Variants in EHMT1 observed in about 807,000 individuals in gnomAD.
The protein encoded by EHMT1 is euchromatic histone lysine methyltransferase 1, also known as histone-lysine N-methyltransferase EHMT1.
EHMT1 carries 15 observed loss-of-function variants against 147.2 expected under a neutral mutation model. The observed-to-expected ratio is 0.10, with a 90% CI of 0.07 to 0.16. EHMT1 has a LOEUF of 0.16. Ranked by LOEUF, EHMT1 falls within the 10% of genes least tolerant of loss-of-function variation. The probability of loss-of-function intolerance (pLI) is 1.00; values close to 1 mark genes in which losing one functional copy is unlikely to be tolerated. For missense variants in EHMT1, 1,587 were observed against 1,772.4 expected, an observed-to-expected ratio of 0.90 and a Z score of 1.88; for synonymous variants, 795 against 709.6, an observed-to-expected ratio of 1.12 and a Z score of -1.91.
chr9:137,791,709 C>T (rs1952539614), intron 16 of EHMT1, among the ~76,000 whole-genome samples: 1 of 152,096 alleles, frequency 6.6e-6, no homozygotes, highest in Admixed American at 6.5e-5. Context: ...CTGTAGAGTC[C>T]ATGGAGTCCT....
intron 1 of EHMT1, among the ~76,000 whole-genome samples, chr9:137,620,363 G>A (rs573022314): frequency 1.3e-5 from 2 of 152,038 alleles, no homozygotes; most frequent in Non-Finnish European, 2.9e-5. Flanking sequence ...GCCTCCCTCG[G>A]TTTTCTTCAC....
At chr9:137,672,289 A>G (rs1443512740) in intron 1 of EHMT1, among the ~76,000 whole-genome samples, 1 of 152,226 alleles carries the variant, frequency 6.6e-6, no homozygotes, top group Non-Finnish European at 1.5e-5. Context: ...TGTTATTTGT[A>G]CAGGAGGTTT....
At chr9:137,655,164 A>G (rs1938306187) in intron 1 of EHMT1, among the ~76,000 whole-genome samples, 1 of 151,770 alleles carries the variant, frequency 6.6e-6, no homozygotes, top group Non-Finnish European at 1.5e-5. Flanking sequence ...ACGCTTGGCT[A>G]ATTTTTGTAT....
chr9:137,768,292 G>A (rs920444217), intron 10 of EHMT1, among the ~76,000 whole-genome samples: 1 of 149,886 alleles, frequency 6.7e-6, no homozygotes, highest in Non-Finnish European at 1.5e-5. Context: ...GGCTAACATC[G>A]TAATAGTTTT....
intron 25 of EHMT1, among the ~76,000 whole-genome samples, chr9:137,818,802 CCG>C (rs1955170642): frequency 1.7e-4 from 1 of 5,776 alleles, no homozygotes; most frequent in Admixed American, 8.8e-4. Context: ...TGTACCGAGA[CCG>C]TAGAGAGGCC....
intron 1 of EHMT1, among the ~76,000 whole-genome samples, chr9:137,655,509 A>T (rs1938347000): frequency 6.6e-6 from 1 of 152,206 alleles, no homozygotes; most frequent in African/African-American, 2.4e-5. Context: ...CTGTTGAAGA[A>T]TGAATGAATG....
intron 8 of EHMT1, 47 bp downstream of exon 8, chr9:137,754,338 G>A: frequency 3.7e-6 from 6 of 1,610,466 alleles, no homozygotes; most frequent in Non-Finnish European, 5.1e-6. Context: ...GCCTGGGAGG[G>A]GATGGTGCCA....
intron 16 of EHMT1, 66 bp downstream of exon 16, chr9:137,791,036 G>A: frequency 6.2e-7 from 1 of 1,613,544 alleles, no homozygotes; most frequent in Non-Finnish European, 8.5e-7. Context: ...AGCTGAGCAA[G>A]GGACATCCTT....
chr9:137,671,255 C>T (rs1940590683), intron 1 of EHMT1, among the ~76,000 whole-genome samples: 1 of 152,014 alleles, frequency 6.6e-6, no homozygotes, highest in Non-Finnish European at 1.5e-5. Context: ...AAAAAGTTAA[C>T]TTGGTTATTT....
rs560455102 is a variant in EHMT1, at chr9:137,816,819, C to T, written c.3375-620C>T. The T allele has an allele frequency of 2.6e-4, 46 of 175,358 alleles. 1 individual carries two copies. The highest frequency in any genetic ancestry group is 3.7e-4 in the Non-Finnish European group (30 of 81,124). 10.9% of individuals were successfully genotyped at this position (175,358 alleles called of 1,614,324 possible). On this transcript the variant is annotated intron_variant, in intron 23 of 26. Transcript: ENST00000460843. The stretch of plus-strand genomic sequence containing the variant: ...AGAAAGGCCTGGTGGTGAGGACCCA[C>T]GCCAGACAGACGCGAGGCAGACACG...
At chr9:137,634,564 C>T (rs1008477087) in intron 1 of EHMT1, among the ~76,000 whole-genome samples, 2 of 151,898 alleles carry the variant, frequency 1.3e-5, no homozygotes, top group African/African-American at 4.8e-5. Flanking sequence ...AAATGTGAGT[C>T]CTTCAACTTT....
In EHMT1 at chr9:137,732,140, T is replaced by C. The variant is rs2135855274; in HGVS notation, c.823+3611T>C. Among the ~76,000 whole-genome samples the C allele has an allele frequency of 6.6e-6, 1 of 152,312 alleles. No homozygotes were observed. Among genetic ancestry groups the C allele is most frequent in the South Asian group, 2.1e-4 (1 of 4,826 alleles). Reference sequence around the variant, plus strand: ...AGCTCCCAGGCTGGCCTGGCTCCACTGCTGCTTGCCATCACACGGGGCAGC... The same window carrying C: ...AGCTCCCAGGCTGGCCTGGCTCCACCGCTGCTTGCCATCACACGGGGCAGC... On this transcript the variant is annotated intron_variant, in intron 4 of 26. Coordinates refer to ENST00000460843, the MANE Select transcript of EHMT1 (RefSeq NM_024757.5). The surrounding 1 kb of genome is among the most constrained non-coding windows in gnomAD (Gnocchi z 4.6).
intron 1 of EHMT1, among the ~76,000 whole-genome samples, chr9:137,660,567 T>C (rs1337989666): frequency 6.6e-6 from 1 of 152,172 alleles, no homozygotes; most frequent in Non-Finnish European, 1.5e-5. Context: ...CAATATTAAC[T>C]CTAGAATCAT....
intron 14 of EHMT1, among the ~76,000 whole-genome samples, chr9:137,781,317 T>TGTGTGGTGATGACGCTGAGAC (rs1285065296): frequency 1.3e-4 from 10 of 74,156 alleles, no homozygotes; most frequent in East Asian, 4.2e-4. Context: ...ATCACTGAGA[T>TGTGTGGTGATGACGCTGAGAC]GTGTGGTGAT....
intron 25 of EHMT1, chr9:137,832,665 T>A (rs1226674570): frequency 6.5e-6 from 1 of 152,740 alleles, no homozygotes; most frequent in Non-Finnish European, 1.5e-5. Flanking sequence ...GTTGTCTTTA[T>A]CTGGTTCTGG....
intron 1 of EHMT1, among the ~76,000 whole-genome samples, chr9:137,630,332 C>G (rs953554753): frequency 1.3e-5 from 2 of 152,182 alleles, no homozygotes; most frequent in Non-Finnish European, 1.5e-5. Context: ...TAAAAGTAAA[C>G]AAGAAGAGGC....
chr9:137,669,319 A>C (rs1429362623), intron 1 of EHMT1, among the ~76,000 whole-genome samples: 11 of 141,672 alleles, frequency 7.8e-5, no homozygotes, highest in African/African-American at 1.6e-4. Flanking sequence ...CCCTGGAAAG[A>C]CGCCCCCACA....
At chr9:137,792,342 T>G (rs908911201) in intron 16 of EHMT1, 16 of 272,302 alleles carry the variant, frequency 5.9e-5, no homozygotes, top group South Asian at 5.9e-4. Context: ...CAGATGGTGC[T>G]GAGACAGCTG....
At chr9:137,748,758 C>G (rs191976746) in intron 6 of EHMT1, among the ~76,000 whole-genome samples, 9 of 152,298 alleles carry the variant, frequency 5.9e-5, no homozygotes, top group African/African-American at 2.2e-4. Context: ...TGTGAAGTGC[C>G]TATTCACATC....
Sources: allele counts gnomAD v4.1 joint callset (sites outside exome capture counted in the v4.1 genomes callset), GRCh38; gene constraint gnomAD v4.1.1; non-coding constraint Gnocchi (gnomAD v3.1); transcripts MANE v1.5; gene names NCBI Gene and HGNC (gene_info 2026-07-23, HGNC 2026-07-21).